SGCZ: variants seen among roughly 807,000 people sequenced by gnomAD.
SGCZ encodes sarcoglycan zeta.
In SGCZ, 40 loss-of-function variants were observed where a neutral mutation model predicts 41.3. The ratio of observed to expected loss-of-function variants is 0.97; its 90% CI spans 0.75 to 1.26. The LOEUF (loss-of-function observed/expected upper bound fraction) is 1.26. SGCZ is among the 50% of genes most tolerant of loss of function. SGCZ has a pLI of 0.00. For missense variants in SGCZ, 552 were observed against 369.8 expected (o/e 1.49, Z -4.04); for synonymous variants, 206 against 137.5 (o/e 1.50, Z -3.49).
At chr8:14,690,298 G>T (rs1244041152) in intron 1 of SGCZ, 2 of 152,134 alleles carry the variant, frequency 1.3e-5, no homozygotes, top group East Asian at 3.9e-4. Flanking sequence ...AATTTCAAAA[G>T]TCACTCTTGA....
At chr8:14,312,386 T>C (rs1585349657) in intron 3 of SGCZ, among the ~76,000 whole-genome samples, 1 of 152,178 alleles carries the variant, frequency 6.6e-6, no homozygotes, top group African/African-American at 2.4e-5. Flanking sequence ...TATATAGCAG[T>C]AGTCAGCCCA....
At chr8:14,808,147 A>T (rs1396131122) in intron 1 of SGCZ, among the ~76,000 whole-genome samples, 3 of 152,200 alleles carry the variant, frequency 2.0e-5, no homozygotes, top group Non-Finnish European at 4.4e-5. Flanking sequence ...AACCTAGGTA[A>T]TACCATTCAG....
chr8:14,936,487 C>T lies in SGCZ; in HGVS notation c.39+301098G>A, dbSNP rs77841895. On this transcript the variant is annotated intron_variant, in intron 1 of 7. Coordinates refer to ENST00000382080, the MANE Select transcript of SGCZ (RefSeq NM_139167.4). Reference sequence around the variant, plus strand: ...TAAAAACAGAATGGGTGTATACATACTCAGAGTATGGTTTCTATCAAATCA... The same window carrying T: ...TAAAAACAGAATGGGTGTATACATATTCAGAGTATGGTTTCTATCAAATCA... Among the ~76,000 whole-genome samples the T allele has an allele frequency of 7.0e-3, 1,056 of 151,906 alleles. 21 individuals are homozygous for T. The highest frequency in any genetic ancestry group is 0.024 in the African/African-American group (1,006 of 41,492).
chr8:14,903,915 T>G (rs1265338061), intron 1 of SGCZ, among the ~76,000 whole-genome samples: 2 of 152,008 alleles, frequency 1.3e-5, no homozygotes, highest in African/African-American at 4.8e-5. Context: ...AGCTTTACAT[T>G]AAGAGGGTTA....
intron 1 of SGCZ, among the ~76,000 whole-genome samples, chr8:14,834,186 C>A (rs1178013828): frequency 6.6e-6 from 1 of 152,086 alleles, no homozygotes; most frequent in African/African-American, 2.4e-5. Flanking sequence ...TCCTGAACAA[C>A]TGTGTCCTTC....
intron 1 of SGCZ, among the ~76,000 whole-genome samples, chr8:15,185,473 T>C (rs1474000796): frequency 6.6e-6 from 1 of 152,242 alleles, no homozygotes; most frequent in African/African-American, 2.4e-5. Flanking sequence ...CTTACATGTA[T>C]GTTCCTACTT....
intron 1 of SGCZ, among the ~76,000 whole-genome samples, chr8:14,928,973 T>A (rs1799845745): frequency 6.6e-6 from 1 of 151,746 alleles, no homozygotes; most frequent in African/African-American, 2.4e-5. Context: ...CATTTTTAAA[T>A]TATTTATTTA....
At chr8:14,362,934 T>C (rs542218031) in intron 2 of SGCZ, among the ~76,000 whole-genome samples, 61 of 152,350 alleles carry the variant, frequency 4.0e-4, no homozygotes, top group Middle Eastern at 6.8e-3. Flanking sequence ...AGATAACTAA[T>C]ATATAGTACA....
At chr8:14,615,184 G>C (rs926042214) in intron 1 of SGCZ, among the ~76,000 whole-genome samples, 2 of 152,292 alleles carry the variant, frequency 1.3e-5, no homozygotes, top group Admixed American at 1.3e-4. Flanking sequence ...TAAATAAGCA[G>C]GAGGCCCTTA....
intron 1 of SGCZ, among the ~76,000 whole-genome samples, chr8:15,108,961 A>G (rs546843625): frequency 6.6e-6 from 1 of 152,302 alleles, no homozygotes; most frequent in African/African-American, 2.4e-5. Flanking sequence ...AACGACTGCA[A>G]AAATAGAATG....
intron 2 of SGCZ, among the ~76,000 whole-genome samples, chr8:14,526,311 A>G (rs559465633): frequency 1.3e-5 from 2 of 152,206 alleles, no homozygotes; most frequent in South Asian, 4.1e-4. Flanking sequence ...CTGTCAGTAT[A>G]TGGCAAAATT....
intron 2 of SGCZ, among the ~76,000 whole-genome samples, chr8:14,472,901 T>G (rs1380528351): frequency 6.6e-6 from 1 of 152,144 alleles, no homozygotes; most frequent in Non-Finnish European, 1.5e-5. Flanking sequence ...AACAAATAGT[T>G]CTCACCCTAA....
At chr8:14,631,741 C>A (rs1806662011) in intron 1 of SGCZ, among the ~76,000 whole-genome samples, 1 of 152,004 alleles carries the variant, frequency 6.6e-6, no homozygotes, top group Non-Finnish European at 1.5e-5. Flanking sequence ...CTCATATAAA[C>A]AATAATGTAG....
At position 14,607,045 on chromosome 8, in the gene SGCZ, C is replaced by T. The variant is rs7832100; in HGVS notation, c.40-52119G>A. The stretch of plus-strand genomic sequence containing the variant: ...TACTGAAATGAGAAAATCACTGATC[C>T]GACAGCTCTGGATTTAAACAATGGC... On this transcript the variant is annotated intron_variant, in intron 1 of 7. Transcript: ENST00000382080. Among the ~76,000 whole-genome samples the T allele has an allele frequency of 4.0e-3, 608 of 152,136 alleles. 4 individuals are homozygous for T. Among genetic ancestry groups the T allele is most frequent in the African/African-American group, 0.012 (496 of 41,532 alleles).
At chr8:14,444,529 G>A (rs1033997811) in intron 2 of SGCZ, among the ~76,000 whole-genome samples, 2 of 151,910 alleles carry the variant, frequency 1.3e-5, no homozygotes, top group Non-Finnish European at 2.9e-5. Flanking sequence ...GGATGAAATT[G>A]GAAATCATCA....
intron 1 of SGCZ, among the ~76,000 whole-genome samples, chr8:14,636,564 A>T (rs910072412): frequency 6.6e-6 from 1 of 151,934 alleles, no homozygotes; most frequent in Admixed American, 6.6e-5. Context: ...TAGGCTGTCA[A>T]TAGGTTTGTG....
At chr8:14,102,286 C>G (rs558466972) in intron 7 of SGCZ, 90 bp downstream of exon 7, 1 of 1,241,242 alleles carries the variant, frequency 8.1e-7, no homozygotes, top group African/African-American at 1.5e-5. Context: ...AAAGATATTC[C>G]TTCACAAGTC....
At chr8:14,282,964 C>T (rs1273884726) in intron 3 of SGCZ, among the ~76,000 whole-genome samples, 2 of 147,606 alleles carry the variant, frequency 1.4e-5, no homozygotes, top group East Asian at 2.0e-4. Flanking sequence ...ATTCTCCTGC[C>T]TCAGCCTCCC....
At chr8:14,226,161 T>C (rs1355498159) in intron 4 of SGCZ, among the ~76,000 whole-genome samples, 1 of 151,974 alleles carries the variant, frequency 6.6e-6, no homozygotes, top group Non-Finnish European at 1.5e-5. Context: ...CATAGTTGCA[T>C]GAAGAAAATA....
Sources: allele counts gnomAD v4.1 joint callset (sites outside exome capture counted in the v4.1 genomes callset), GRCh38; gene constraint gnomAD v4.1.1; transcripts MANE v1.5; gene names NCBI Gene and HGNC (gene_info 2026-07-23, HGNC 2026-07-21).